RGL3: variants seen among roughly 807,000 people sequenced by gnomAD.
The protein encoded by RGL3 is ral guanine nucleotide dissociation stimulator-like 3.
RGL3 carries 85 observed loss-of-function variants against 90.6 expected under a neutral mutation model. That is an observed-to-expected ratio of 0.94 (90% CI 0.79 to 1.12). The LOEUF is 1.12. Ranked by LOEUF, RGL3 falls within the 50% of genes most tolerant of loss-of-function variation. The pLI is 0.00. For missense variants in RGL3, 1,034 were observed against 939.2 expected (o/e 1.10, Z -1.32); for synonymous variants, 408 against 385.5 (o/e 1.06, Z -0.68).
intron 13 of RGL3, among the ~76,000 whole-genome samples, chr19:11,401,723 T>G (rs1188728130): frequency 6.6e-6 from 1 of 151,934 alleles, no homozygotes; most frequent in African/African-American, 2.4e-5. Context: ...TTTTTGTATT[T>G]TTTTGTAGAT....
intron 9 of RGL3, among the ~76,000 whole-genome samples, chr19:11,403,910 C>G (rs962909342): frequency 6.6e-6 from 1 of 152,090 alleles, no homozygotes; most frequent in Non-Finnish European, 1.5e-5. Flanking sequence ...GAGATGGAGT[C>G]TCACTTTGTC....
At chr19:11,403,538 G>A (rs1045522442) in intron 9 of RGL3, among the ~76,000 whole-genome samples, 2 of 150,928 alleles carry the variant, frequency 1.3e-5, no homozygotes, top group Admixed American at 1.3e-4. Flanking sequence ...TACTCGGGAG[G>A]CTGAGGCAGA....
chr19:11,396,999 T>C (rs138371790), intron 18 of RGL3, among the ~76,000 whole-genome samples: 63 of 152,162 alleles, frequency 4.1e-4, no homozygotes, highest in Non-Finnish European at 6.2e-4. Context: ...TCTTTTAAAT[T>C]TTAGGAAGAT....
At position 11,415,955 on chromosome 19, in the gene RGL3, G is replaced by T. The variant is rs1301144722; in HGVS notation, c.619C>A (p.Pro207Thr). Residue 207 changes from proline (P) to threonine (T), a missense_variant, in exon 5 of 19, where the codon CCG becomes ACG. Physicochemically the swap from Pro to Thr is conservative, Grantham distance 38 (BLOSUM62 -1). Transcript: ENST00000380456. ...EEAEREQEEEPPQVWTGPPRV... is the reference protein window; with the variant it reads ...EEAEREQEEETPQVWTGPPRV... ...CCCTCACCTGTCCACACCTGAGGCG[G>T]CTCCTCTTCCTGCTCTCGCTCAGCC... The T allele has an allele frequency of 3.7e-6, 6 of 1,613,440 alleles. No homozygotes were observed. The African/African-American group carries it at 8.0e-5, about 22-fold the overall frequency.
At chr19:11,409,970 G>A (rs1038507948) in intron 5 of RGL3, among the ~76,000 whole-genome samples, 18 of 151,756 alleles carry the variant, frequency 1.2e-4, no homozygotes, top group Non-Finnish European at 2.2e-4. Flanking sequence ...ATGGAGTCTT[G>A]CTCTGTCGCC....
rs867081990 is a variant in RGL3 at position 11,402,040 on chromosome 19, A to T, written c.1455T>A (p.His485Gln). The change falls in exon 13 of 19, where the codon CAT becomes CAA. Residue 485 changes from histidine to glutamine, a missense_variant. By Grantham distance (24) the His-to-Gln change is conservative. Coordinates refer to ENST00000380456, the MANE Select transcript of RGL3 (RefSeq NM_001035223.4). ...GCTCCTCGGTGAGCTGGTTCTGGGC[A>T]TGCAGGGCAGCCAGGATGGGCGGGT... is the stretch of plus-strand genomic sequence containing the variant. ...SPHPPILAALHAQNQLTEEQS... is the reference protein window; with the variant it reads ...SPHPPILAALQAQNQLTEEQS... 4.5e-6 allele frequency: 7 copies of T among 1,564,832 alleles called. No homozygotes were observed. The highest frequency in any genetic ancestry group is 2.2e-4 in the Middle Eastern group (1 of 4,462).
chr19:11,406,756 T>C lies in RGL3; in HGVS notation c.746A>G (p.Asp249Gly). ...GAGGGTCAGCTGCTCGGCCACCTCG[T>C]CCACGCTGAAGTCCAGGAGCTGGGG... ...QGPQLLDFSV[D>G]EVAEQLTLID... The change falls in exon 6 of 19, where the codon GAC becomes GGC. Residue 249 changes from aspartate to glycine, a missense_variant. By Grantham distance (94) the Asp-to-Gly change is moderately conservative. Coordinates refer to ENST00000380456, the MANE Select transcript of RGL3 (RefSeq NM_001035223.4). 6.2e-7 allele frequency: 1 copy of C among 1,614,058 alleles called. No homozygotes were observed. The highest frequency in any genetic ancestry group is 8.5e-7 in the Non-Finnish European group (1 of 1,180,012).
In RGL3 at chr19:11,406,815, G is replaced by A. The variant is rs746179427; in HGVS notation, c.687C>T (p.Cys229=). The change falls in exon 6 of 19, where the codon TGC becomes TGT. Residue 229 remains cysteine, a synonymous_variant. Coordinates refer to ENST00000380456, the MANE Select transcript of RGL3 (RefSeq NM_001035223.4). ...QTSDPDSSEA[C]AEEEEGLMPQ... The stretch of plus-strand genomic sequence containing the variant: ...GCATGAGCCCTTCCTCTTCCTCCGC[G>A]CAGGCCTCTGAAGAGTCTGGGTCAG... 1 of 1,590,698 alleles carries A rather than the reference G, an allele frequency of 6.3e-7. No individual in the cohort carries two copies. The highest frequency in any genetic ancestry group is 1.1e-5 in the South Asian group (1 of 90,686).
At chr19:11,396,751 G>A (rs542323848) in intron 18 of RGL3, among the ~76,000 whole-genome samples, 15 of 142,518 alleles carry the variant, frequency 1.1e-4, no homozygotes, top group Admixed American at 8.9e-4. Context: ...TGCAACCTCC[G>A]CCTCCCAGAT....
chr19:11,394,452 G>A lies in RGL3; in HGVS notation c.2083C>T (p.Leu695=). ...MSPVAPRDFM[L]RRKEGTRNTL... ...TTCCGGGTCCCCTCTTTCCGCCGCA[G>A]CATGAAGTCTCTGGGGGCGACTGGA... The change falls in exon 19 of 19, where the codon CTG becomes TTG. Residue 695 remains leucine (L), a synonymous_variant. Coordinates refer to ENST00000380456, the MANE Select transcript of RGL3 (RefSeq NM_001035223.4). 6.2e-7 allele frequency: 1 copy of A among 1,613,998 alleles called. No individual in the cohort carries two copies. Among genetic ancestry groups the A allele is most frequent in the South Asian group, 1.1e-5 (1 of 91,064 alleles).
chr19:11,419,178 G>T, intron 1 of RGL3, 68 bp downstream of exon 1: 2 of 1,533,240 alleles, frequency 1.3e-6, no homozygotes, highest in Non-Finnish European at 8.9e-7. Flanking sequence ...CCGACGGGCG[G>T]GCGCTTGGAG....
intron 5 of RGL3, among the ~76,000 whole-genome samples, chr19:11,414,020 A>C (rs918725860): frequency 6.7e-6 from 1 of 149,052 alleles, no homozygotes; most frequent in Non-Finnish European, 1.5e-5. Flanking sequence ...TGCTGGGATT[A>C]TAGGCATGAG....
chr19:11,418,886 C>T (rs1306208733), intron 1 of RGL3, 102 bp from the exon 2 acceptor site: 2 of 921,896 alleles, frequency 2.2e-6, no homozygotes, highest in Non-Finnish European at 3.2e-6. Context: ...GCTGCATCCC[C>T]ACGCCCCTTC....
In RGL3 at chr19:11,405,378, C is replaced by G. The variant is rs765918374; in HGVS notation, c.1045G>C (p.Ala349Pro). ...NFSSLRAILS[A>P]LQSNPIYRLK... ...CGGTAGATGGGGTTAGATTGCAGGG[C>G]GGACAGGATGGCGCGCAAGGAGGAG... is the stretch of plus-strand genomic sequence containing the variant. Residue 349 changes from alanine (A) to proline (P), a missense_variant, in exon 8 of 19, where the codon GCC becomes CCC. Physicochemically the swap from Ala to Pro is conservative, Grantham distance 27 (BLOSUM62 -1). Coordinates refer to ENST00000380456, the MANE Select transcript of RGL3 (RefSeq NM_001035223.4). 2.5e-6 allele frequency: 4 copies of G among 1,608,536 alleles called. No individual in the cohort carries two copies. The Admixed American group carries it at 5.1e-5, about 20-fold the overall frequency.
At chr19:11,416,763 C>T (rs749156285) in intron 3 of RGL3, 73 bp downstream of exon 3, 3 of 1,597,628 alleles carry the variant, frequency 1.9e-6, no homozygotes, top group Admixed American at 3.3e-5. Context: ...GGTTCCACAC[C>T]TGAGGAGGTG....
chr19:11,416,852 G>A lies in RGL3; in HGVS notation c.355C>T (p.Pro119Ser). 6.2e-7 allele frequency: 1 copy of A among 1,613,808 alleles called. No individual in the cohort carries two copies. The highest frequency in any genetic ancestry group is 8.5e-7 in the Non-Finnish European group (1 of 1,179,852). ...GCTACTGACCCGGGAGGTGGGGGCG[G>A]TGGCATTGGTGGCAGCAGAAAGCCC... is the stretch of plus-strand genomic sequence containing the variant. ...LLGFLLPPMP[P>S]PPPPGVEIKK... Residue 119 changes from proline to serine, a missense_variant, in exon 3 of 19, where the codon CCG (proline) becomes TCG (serine). Physicochemically the swap from Pro to Ser is moderately conservative, Grantham distance 74. Transcript: ENST00000380456.
At chr19:11,415,887 C>T in intron 5 of RGL3, 50 bp downstream of exon 5, 8 of 1,487,066 alleles carry the variant, frequency 5.4e-6, no homozygotes, top group Non-Finnish European at 7.3e-6. Context: ...TGGGAAGAAG[C>T]AGACAGGAAA....
chr19:11,414,170 TATATATACAC>T (rs1968925316), intron 5 of RGL3, among the ~76,000 whole-genome samples: 1 of 104,836 alleles, frequency 9.5e-6, no homozygotes, highest in African/African-American at 4.0e-5. Context: ...TATATATATA[TATATATACAC>T]CTATATATAT....
chr19:11,404,280 C>T (rs1968730546), intron 9 of RGL3, among the ~76,000 whole-genome samples: 1 of 152,136 alleles, frequency 6.6e-6, no homozygotes, highest in African/African-American at 2.4e-5. Flanking sequence ...GTAATCCCAG[C>T]ACTTTGGGAA....
Sources: allele counts gnomAD v4.1 joint callset (sites outside exome capture counted in the v4.1 genomes callset), GRCh38; gene constraint gnomAD v4.1.1; transcripts MANE v1.5; gene names NCBI Gene and HGNC (gene_info 2026-07-23, HGNC 2026-07-21).